PRPF6: variants seen among roughly 807,000 people sequenced by gnomAD.
PRPF6 encodes pre-mRNA processing factor 6.
In PRPF6, 42 loss-of-function variants were observed where a neutral mutation model predicts 118.3. The ratio of observed to expected loss-of-function variants is 0.35; its 90% CI spans 0.28 to 0.46. The LOEUF (loss-of-function observed/expected upper bound fraction) is 0.46. PRPF6 is among the 20% of genes least tolerant of loss of function. The pLI is 1.00. For synonymous variants in PRPF6, 481 were observed against 485.1 expected (o/e 0.99, Z 0.11); for missense variants, 662 against 1,255.7 (o/e 0.53, Z 7.15).
intron 3 of PRPF6, among the ~76,000 whole-genome samples, chr20:63,987,193 G>GA (rs985796705): frequency 9.4e-5 from 14 of 149,488 alleles, no homozygotes; most frequent in Non-Finnish European, 1.3e-4. Flanking sequence ...AAAAAAAGGG[G>GA]GGGGGAGCAT....
intron 3 of PRPF6, among the ~76,000 whole-genome samples, chr20:63,985,410 A>G (rs1173049892): frequency 6.6e-6 from 1 of 152,002 alleles, no homozygotes; most frequent in Non-Finnish European, 1.5e-5. Context: ...GCAATAGAGT[A>G]TGTGTGTCTG....
intron 12 of PRPF6, among the ~76,000 whole-genome samples, chr20:64,017,753 CAATG>C (rs895159352): frequency 6.6e-6 from 1 of 152,250 alleles, no homozygotes; most frequent in African/African-American, 2.4e-5. Context: ...AACTGTTTGA[CAATG>C]AATGAGTTGC....
At position 64,011,823 on chromosome 20, in the gene PRPF6, G is replaced by A. The variant is rs950607136; in HGVS notation, c.1524+320G>A. Among the ~76,000 whole-genome samples the A allele has an allele frequency of 1.7e-5, 2 of 114,762 alleles. No individual in the cohort carries two copies. The highest frequency in any genetic ancestry group is 7.2e-5 in the African/African-American group (2 of 27,608). The allele number at this position is 114,762 out of a possible 152,430, so 75.3% of individuals were successfully genotyped here. ...AGTCTCATGGCTTCTTTCTTTGCTAGTAGAAATGATACACCTACGAGAGGA... is the reference window on the plus strand; with the variant it reads ...AGTCTCATGGCTTCTTTCTTTGCTAATAGAAATGATACACCTACGAGAGGA... On this transcript the variant is annotated intron_variant, in intron 11 of 20. Coordinates refer to ENST00000266079, the MANE Select transcript of PRPF6 (RefSeq NM_012469.4). The surrounding 1 kb of genome is among the most constrained non-coding windows in gnomAD (Gnocchi z 6.7).
rs548291767 is a variant in PRPF6 at position 63,983,587 on chromosome 20, T to C, written c.240+372T>C. 7.0e-4 allele frequency among the ~76,000 whole-genome samples: 105 copies of C among 149,938 alleles called. 2 individuals are homozygous for C. The highest frequency in any genetic ancestry group is 4.6e-4 in the Admixed American group (7 of 15,070). On this transcript the variant is annotated intron_variant, in intron 2 of 20. Coordinates refer to ENST00000266079, the MANE Select transcript of PRPF6 (RefSeq NM_012469.4). The stretch of plus-strand genomic sequence containing the variant: ...TTTTTTTTTTGAGATGGAATTTCGC[T>C]CTTGTCGGAAGAGATGTTCTTGCAG...
chr20:64,019,327 G>A lies in PRPF6; in HGVS notation c.1647+2482G>A, dbSNP rs370947608. Among the ~76,000 whole-genome samples, 3 of 152,024 alleles carry A rather than the reference G, an allele frequency of 2.0e-5. No homozygotes were observed. The East Asian group carries it at 5.8e-4, about 29-fold the overall frequency. ...TCGCCATGTTGGCCAGGCTGGTCTC[G>A]AACTCCTGACTTCAGGCCATCCACC... On this transcript the variant is annotated intron_variant, in intron 12 of 20. Coordinates refer to ENST00000266079, the MANE Select transcript of PRPF6 (RefSeq NM_012469.4).
At position 63,981,225 on chromosome 20, in the gene PRPF6, G is replaced by T. The variant is rs779925891; in HGVS notation, c.-21G>T. The T allele has an allele frequency of 1.3e-6, 2 of 1,595,360 alleles. No individual in the cohort carries two copies. The highest frequency in any genetic ancestry group is 1.7e-6 in the Non-Finnish European group (2 of 1,170,714). ...CGCTGCCTCATTCCTTTCCTTCCTA[G>T]CCTTGGTCGTCGCCGCCACCATGAA... On this transcript the variant is annotated 5_prime_UTR_variant, in exon 1 of 21. Transcript: ENST00000266079.
intron 12 of PRPF6, among the ~76,000 whole-genome samples, chr20:64,020,810 A>G (rs2059259275): frequency 7.0e-6 from 1 of 143,072 alleles, no homozygotes; most frequent in Non-Finnish European, 1.5e-5. Context: ...TTTTTGAGAC[A>G]AGGTCTCTCT....
intron 12 of PRPF6, among the ~76,000 whole-genome samples, chr20:64,021,903 T>TGTGC (rs1321883680): frequency 6.7e-6 from 1 of 149,912 alleles, no homozygotes; most frequent in African/African-American, 2.5e-5. Context: ...TGTGTGTGTG[T>TGTGC]GTGCACGTAT....
intron 9 of PRPF6, among the ~76,000 whole-genome samples, chr20:64,004,674 C>T (rs1217047003): frequency 6.6e-6 from 1 of 152,118 alleles, no homozygotes; most frequent in Non-Finnish European, 1.5e-5. Flanking sequence ...CTCTGAGCTT[C>T]CATGTCTTCC....
chr20:63,993,403 C>G lies in PRPF6; in HGVS notation c.360-4C>G, dbSNP rs769286314. On this transcript the variant is annotated splice_region_variant and splice_polypyrimidine_tract_variant and intron_variant, in intron 3 of 20. Transcript: ENST00000266079. ...TTCTGATGTGTGCATGTTTTATTTC[C>G]TAGGGAGCAAAGGGAGAAAGAAGAA... 2 of 1,608,550 alleles carry G rather than the reference C, an allele frequency of 1.2e-6. No individual in the cohort carries two copies. Among genetic ancestry groups the G allele is most frequent in the South Asian group, 2.2e-5 (2 of 90,978 alleles).
chr20:64,019,368 G>A (rs2059253219), intron 12 of PRPF6, among the ~76,000 whole-genome samples: 1 of 152,112 alleles, frequency 6.6e-6, no homozygotes, highest in African/African-American at 2.4e-5. Flanking sequence ...CAGCCTCCCA[G>A]AGCCACTGCT....
rs2059137032 is a variant in PRPF6 at position 63,995,400 on chromosome 20, T to C, written c.689T>C (p.Leu230Pro). ...TACCCAGGTGGAATGACGCCAGGAC[T>C]GATGACACCTGGCACAGGTGAGCTG... ...TPYPGGMTPGLMTPGTGELDM... is the reference protein window; with the variant it reads ...TPYPGGMTPGPMTPGTGELDM... The change falls in exon 6 of 21, where the codon CTG becomes CCG. Residue 230 changes from leucine (L) to proline (P), a missense_variant. Physicochemically the swap from Leu to Pro is moderately conservative, Grantham distance 98. Transcript: ENST00000266079. The C allele has an allele frequency of 1.2e-6, 2 of 1,614,110 alleles. No individual in the cohort carries two copies. Among genetic ancestry groups the C allele is most frequent in the Non-Finnish European group, 1.7e-6 (2 of 1,180,024 alleles).
At position 64,029,459 on chromosome 20, in the gene PRPF6, G is replaced by T; in HGVS notation, c.2514G>T (p.Glu838Asp). The T allele has an allele frequency of 6.2e-7, 1 of 1,614,202 alleles. No individual in the cohort carries two copies. The highest frequency in any genetic ancestry group is 8.5e-7 in the Non-Finnish European group (1 of 1,180,042). The part of the protein sequence containing the change: ...TKSVDALKKC[E>D]HDPHVLLAVA... ...GCGTGGATGCCCTGAAGAAGTGTGA[G>T]CATGACCCCCATGTGCTCCTGGCCG... Residue 838 changes from glutamate (E) to aspartate (D), a missense_variant, in exon 19 of 21, where the codon GAG (glutamate) becomes GAT (aspartate). Around this residue, in one of 10 missense-constraint regions of PRPF6, gnomAD observed 244 missense variants for 383.7 expected, o/e 0.64. Transcript: ENST00000266079. The surrounding 1 kb of genome is among the most constrained non-coding windows in gnomAD (Gnocchi z 4.8).
Position 64,001,223 on chromosome 20 carries a change from G to C in PRPF6, c.1170G>C (p.Lys390Asn). The C allele has an allele frequency of 6.2e-7, 1 of 1,614,242 alleles. No homozygotes were observed. Residue 390 changes from lysine (K) to asparagine (N), a missense_variant, in exon 9 of 21, where the codon AAG (lysine) becomes AAC (asparagine). Transcript: ENST00000266079. ...AELETDIRAK[K>N]RVLRKALEHV... is the part of the protein sequence containing the mutation. The stretch of plus-strand genomic sequence containing the variant: ...TGGAAACGGACATTCGTGCAAAGAA[G>C]CGGGTTCTTCGGAAAGGTGAGCCTC...
chr20:63,993,370 T>C (rs1193166848), intron 3 of PRPF6, 37 bp from the exon 4 acceptor site: 5 of 1,507,908 alleles, frequency 3.3e-6, no homozygotes, highest in Non-Finnish European at 4.6e-6. Flanking sequence ...AGAACAGACA[T>C]GCAGTGTTTC....
intron 1 of PRPF6, among the ~76,000 whole-genome samples, chr20:63,982,840 C>G (rs1247934409): frequency 6.6e-6 from 1 of 152,132 alleles, no homozygotes; most frequent in Non-Finnish European, 1.5e-5. Flanking sequence ...GAGAGATTGC[C>G]TTGGTAACAT....
Position 64,026,934 on chromosome 20 carries a change from G to GT in PRPF6, c.2029-47dup. On this transcript the variant is annotated intron_variant, in intron 15 of 20. Coordinates refer to ENST00000266079, the MANE Select transcript of PRPF6 (RefSeq NM_012469.4). The surrounding 1 kb of genome is among the most constrained non-coding windows in gnomAD (Gnocchi z 4.4). ...TGAGGATGAGTGTACCATGAAGCAC[G>GT]TACCCTGGAGCTGATGCCCTGCGTG... The GT allele has an allele frequency of 6.2e-7, 1 of 1,607,648 alleles. No homozygotes were observed. Among genetic ancestry groups the GT allele is most frequent in the Non-Finnish European group, 8.5e-7 (1 of 1,174,970 alleles).
Position 64,011,492 on chromosome 20 carries a change from C to T in PRPF6, c.1513C>T (p.Gln505Ter). 1.2e-6 allele frequency: 2 copies of T among 1,613,002 alleles called. No homozygotes were observed. Among genetic ancestry groups the T allele is most frequent in the Non-Finnish European group, 1.7e-6 (2 of 1,179,882 alleles). The change falls in exon 11 of 21, where the codon CAG becomes TAG. Residue 505 changes from glutamine (Q) to a stop codon, truncating the protein, a stop_gained. Coordinates refer to ENST00000266079, the MANE Select transcript of PRPF6 (RefSeq NM_012469.4). LOFTEE classifies it high-confidence loss of function. The surrounding 1 kb of genome is among the most constrained non-coding windows in gnomAD (Gnocchi z 6.7). ...RANGVEINREQWIQDAEECDR... is the reference protein window; with the variant it reads ...RANGVEINRE Reference sequence around the variant, plus strand: ...CAACGGTGTGGAGATCAACCGTGAGCAGTGGATCCAGGTGGGCCGCAGGCG... The same window carrying T: ...CAACGGTGTGGAGATCAACCGTGAGTAGTGGATCCAGGTGGGCCGCAGGCG...
intron 12 of PRPF6, among the ~76,000 whole-genome samples, chr20:64,018,449 C>T (rs1286179489): frequency 6.6e-6 from 1 of 152,034 alleles, no homozygotes; most frequent in Non-Finnish European, 1.5e-5. Flanking sequence ...AGGTGTGCAC[C>T]TGTTCAACTC....
Sources: gnomAD v4.1 joint callset for allele counts (sites outside exome capture counted in the v4.1 genomes callset) on GRCh38, gnomAD v4.1.1 for gene constraint, gnomAD v4.1.1 regional missense constraint, Gnocchi (gnomAD v3.1) non-coding constraint, MANE v1.5 for transcripts, NCBI Gene and HGNC (gene_info 2026-07-23, HGNC 2026-07-21) for gene names.